Variants in PTCHD4 observed in about 807,000 individuals in gnomAD.
PTCHD4 encodes the protein patched domain containing 4, also known as patched domain-containing protein 4.
In PTCHD4, 33 loss-of-function variants were observed where a neutral mutation model predicts 58.1. That is an observed-to-expected ratio of 0.57 (90% CI 0.43 to 0.76). The LOEUF (loss-of-function observed/expected upper bound fraction) is 0.76, where lower values mean the gene tolerates loss of function less well. PTCHD4 is among the 30% of genes least tolerant of loss of function. PTCHD4 has a pLI of 0.00. For missense variants in PTCHD4, 1,058 were observed against 1,027.1 expected (o/e 1.03, Z -0.41); for synonymous variants, 478 against 409.6 (o/e 1.17, Z -2.02).
In PTCHD4 at chr6:48,062,530, T is replaced by C. The variant is rs146111428; in HGVS notation, c.417+5700A>G. Among the ~76,000 whole-genome samples, 117 of 152,250 alleles carry C rather than the reference T, an allele frequency of 7.7e-4. 2 individuals are homozygous for C. In the East Asian group the frequency reaches 0.013, roughly 17 times the overall value. On this transcript the variant is annotated intron_variant, in intron 3 of 4. Transcript: ENST00000339488. ...AAAAGGAAGCTTAAAAAAGTACTTA[T>C]GAAAAATTTACAACCAGATTTAAAT...
At chr6:47,910,701 C>T (rs899345732) in intron 4 of PTCHD4, among the ~76,000 whole-genome samples, 3 of 151,434 alleles carry the variant, frequency 2.0e-5, no homozygotes, top group Non-Finnish European at 3.0e-5. Context: ...TATCCACTCC[C>T]TAAATATCCA....
intron 3 of PTCHD4, among the ~76,000 whole-genome samples, chr6:48,066,900 A>G (rs1764816866): frequency 6.6e-6 from 1 of 151,914 alleles, no homozygotes; most frequent in Admixed American, 6.6e-5. Flanking sequence ...TTTTTCTCTC[A>G]AAACTCCTGA....
At chr6:47,922,382 C>A (rs940577578) in intron 4 of PTCHD4, among the ~76,000 whole-genome samples, 3 of 152,192 alleles carry the variant, frequency 2.0e-5, no homozygotes, top group Non-Finnish European at 2.9e-5. Context: ...ATTCCTTTCT[C>A]TCTTCACCAC....
chr6:47,931,999 A>C lies in PTCHD4; in HGVS notation c.899-52063T>G, dbSNP rs114247641. Among the ~76,000 whole-genome samples, 1,025 of 152,314 alleles carry C rather than the reference A, an allele frequency of 6.7e-3. 10 individuals are homozygous for C. Among genetic ancestry groups the C allele is most frequent in the African/African-American group, 0.024 (992 of 41,566 alleles). ...ATTATAGAAATCCATATAATGCTGC[A>C]AAACCTAAGAGTGGGCCTCAACTTG... On this transcript the variant is annotated intron_variant, in intron 4 of 4. Transcript: ENST00000339488.
At chr6:47,948,132 C>T (rs1236281106) in intron 4 of PTCHD4, among the ~76,000 whole-genome samples, 2 of 152,152 alleles carry the variant, frequency 1.3e-5, no homozygotes, top group East Asian at 1.9e-4. Flanking sequence ...GGGAAGGGTC[C>T]ATTTCCAAGC....
chr6:47,976,416 A>G (rs1477860031), intron 4 of PTCHD4, among the ~76,000 whole-genome samples: 1 of 152,054 alleles, frequency 6.6e-6, no homozygotes, highest in Non-Finnish European at 1.5e-5. Flanking sequence ...GCACTTTGGG[A>G]GGGCAAAGCA....
intron 4 of PTCHD4, among the ~76,000 whole-genome samples, chr6:47,997,826 A>G (rs1347826620): frequency 1.3e-5 from 2 of 152,214 alleles, no homozygotes; most frequent in Non-Finnish European, 2.9e-5. Context: ...TGGAAGCCTA[A>G]GGTTGGCCTC....
At chr6:48,082,423 T>C (rs929856470) in intron 1 of PTCHD4, among the ~76,000 whole-genome samples, 2 of 152,220 alleles carry the variant, frequency 1.3e-5, no homozygotes, top group African/African-American at 4.8e-5. Flanking sequence ...AATAATTTCC[T>C]GATGATAGGA....
At chr6:48,037,456 A>G (rs1192196920) in intron 3 of PTCHD4, among the ~76,000 whole-genome samples, 1 of 152,184 alleles carries the variant, frequency 6.6e-6, no homozygotes, top group African/African-American at 2.4e-5. Flanking sequence ...GTGTAGAGGC[A>G]CATAAACTCT....
intron 4 of PTCHD4, among the ~76,000 whole-genome samples, chr6:47,921,315 T>C (rs76981546): frequency 0.076 from 11,503 of 152,228 alleles, 507 homozygotes; most frequent in Non-Finnish European, 0.099. Context: ...ACCATCCTAT[T>C]TGCTATCCAC....
intron 1 of PTCHD4, among the ~76,000 whole-genome samples, chr6:48,085,820 TTATC>T (rs1304801127): frequency 1.3e-5 from 2 of 152,204 alleles, no homozygotes; most frequent in African/African-American, 2.4e-5. Flanking sequence ...AGATTGCTGT[TTATC>T]TATGAGTTAG....
chr6:48,024,795 T>C (rs764347221), intron 3 of PTCHD4, among the ~76,000 whole-genome samples: 1 of 152,162 alleles, frequency 6.6e-6, no homozygotes, highest in Non-Finnish European at 1.5e-5. Flanking sequence ...ACCTCCTGAT[T>C]CCACAGTACA....
intron 4 of PTCHD4, among the ~76,000 whole-genome samples, chr6:47,932,479 G>A (rs1022990600): frequency 3.3e-5 from 5 of 152,154 alleles, no homozygotes; most frequent in African/African-American, 7.2e-5. Flanking sequence ...GCATTCATAC[G>A]ATAAGGAGCA....
intron 3 of PTCHD4, among the ~76,000 whole-genome samples, chr6:48,021,109 T>A (rs191631281): frequency 2.6e-5 from 4 of 152,150 alleles, no homozygotes; most frequent in Admixed American, 2.0e-4. Flanking sequence ...TTATACTGTC[T>A]TTTAAAAAAT....
intron 4 of PTCHD4, among the ~76,000 whole-genome samples, chr6:47,928,372 A>C (rs1765695375): frequency 6.6e-6 from 1 of 152,250 alleles, no homozygotes; most frequent in African/African-American, 2.4e-5. Flanking sequence ...GATCTAAAAG[A>C]ATACTATGTT....
rs183331455 is a variant in PTCHD4, at chr6:47,870,571, A to G, written c.*7732T>C. On this transcript the variant is annotated 3_prime_UTR_variant, in exon 5 of 5. Coordinates refer to ENST00000339488, the MANE Select transcript of PTCHD4 (RefSeq NM_001384253.1). ...TTGATAATGGACCAAATTCAGGTGAATTGGAAACTTTGGAAACTTTGGAAG... is the reference window on the plus strand; with the variant it reads ...TTGATAATGGACCAAATTCAGGTGAGTTGGAAACTTTGGAAACTTTGGAAG... Among the ~76,000 whole-genome samples the G allele has an allele frequency of 2.0e-4, 31 of 151,768 alleles. No individual in the cohort carries two copies. Among genetic ancestry groups the G allele is most frequent in the Admixed American group, 1.6e-3 (24 of 15,202 alleles).
At chr6:47,944,753 C>G (rs1426977646) in intron 4 of PTCHD4, among the ~76,000 whole-genome samples, 2 of 152,056 alleles carry the variant, frequency 1.3e-5, no homozygotes, top group Non-Finnish European at 2.9e-5. Context: ...ATTAGTTCAA[C>G]AAGCATTTAT....
At position 47,918,992 on chromosome 6, in the gene PTCHD4, C is replaced by T. The variant is rs192158952; in HGVS notation, c.899-39056G>A. 3.3e-5 allele frequency among the ~76,000 whole-genome samples: 5 copies of T among 152,134 alleles called. No individual in the cohort carries two copies. The East Asian group carries it at 5.8e-4, about 18-fold the overall frequency. On this transcript the variant is annotated intron_variant, in intron 4 of 4. Transcript: ENST00000339488. ...CCATAGTGAACTAGTTAGATTAGAC[C>T]GAACCCGTAGTGATAGCCAAGCAAC...
intron 4 of PTCHD4, among the ~76,000 whole-genome samples, chr6:47,910,198 T>A (rs946899409): frequency 6.6e-6 from 1 of 152,160 alleles, no homozygotes; most frequent in East Asian, 1.9e-4. Flanking sequence ...GTGTTTTGTT[T>A]TTATCATTTA....
Sources: gnomAD v4.1 joint callset for allele counts (sites outside exome capture counted in the v4.1 genomes callset) on GRCh38, gnomAD v4.1.1 for gene constraint, MANE v1.5 for transcripts, NCBI Gene and HGNC (gene_info 2026-07-23, HGNC 2026-07-21) for gene names.